Variants in LYST observed in about 807,000 individuals in gnomAD.
LYST encodes the protein lysosomal trafficking regulator, also known as lysosomal-trafficking regulator.
In LYST, 192 loss-of-function variants were observed where a neutral mutation model predicts 413.6. The ratio of observed to expected loss-of-function variants is 0.46; its 90% CI spans 0.41 to 0.52. The LOEUF (loss-of-function observed/expected upper bound fraction) is 0.52, where lower values mean the gene tolerates loss of function less well. LYST is among the 20% of genes least tolerant of loss of function. The probability of loss-of-function intolerance (pLI) is 0.00; values close to 1 mark genes in which losing one functional copy is unlikely to be tolerated. For missense variants in LYST, 3,815 were observed against 4,499.9 expected (o/e 0.85, Z 4.35); for synonymous variants, 1,525 against 1,567.3 (o/e 0.97, Z 0.64).
intron 50 of LYST, among the ~76,000 whole-genome samples, chr1:235,672,557 G>A (rs1291888836): frequency 6.6e-6 from 1 of 152,132 alleles, no homozygotes; most frequent in Non-Finnish European, 1.5e-5. Context: ...TTAAGTGAAT[G>A]TGATAGAGTT....
chr1:235,737,938 G>GGT, intron 31 of LYST: 2 of 1,193,720 alleles, frequency 1.7e-6, no homozygotes, highest in East Asian at 7.6e-5. Flanking sequence ...ACTGCCGCGT[G>GGT]CCCCAACACC....
At chr1:235,872,814 G>A (rs1409366348) in intron 1 of LYST, among the ~76,000 whole-genome samples, 1 of 152,154 alleles carries the variant, frequency 6.6e-6, no homozygotes, top group East Asian at 1.9e-4. Flanking sequence ...TACTCAGGAG[G>A]CTTAGGCAGG....
intron 45 of LYST, among the ~76,000 whole-genome samples, chr1:235,702,047 C>T (rs537334523): frequency 6.6e-6 from 1 of 150,868 alleles, no homozygotes; most frequent in Non-Finnish European, 1.5e-5. Context: ...CTTTAAGGTC[C>T]TTTACAACGT....
chr1:235,801,474 G>A (rs534646545), intron 8 of LYST, among the ~76,000 whole-genome samples: 1 of 151,832 alleles, frequency 6.6e-6, no homozygotes, highest in Non-Finnish European at 1.5e-5. Flanking sequence ...AAATCTTTGT[G>A]AAAATAGTAG....
At chr1:235,745,432 G>A (rs539408695) in intron 29 of LYST, among the ~76,000 whole-genome samples, 1 of 152,076 alleles carries the variant, frequency 6.6e-6, no homozygotes, top group Non-Finnish European at 1.5e-5. Flanking sequence ...CAAACACTAG[G>A]TAAGGATGTA....
chr1:235,690,038 A>G (rs1255056797), intron 47 of LYST, among the ~76,000 whole-genome samples: 5 of 152,228 alleles, frequency 3.3e-5, no homozygotes, highest in African/African-American at 4.8e-5. Context: ...TCTTAAATAG[A>G]AGGAATGCCT....
intron 1 of LYST, among the ~76,000 whole-genome samples, chr1:235,872,458 A>C (rs1327873805): frequency 6.6e-6 from 1 of 152,182 alleles, no homozygotes; most frequent in African/African-American, 2.4e-5. Context: ...TCTCGTGGTA[A>C]TAGACCGAGG....
At position 235,825,860 on chromosome 1, in the gene LYST, A is replaced by T. The variant is rs562078193; in HGVS notation, c.192+4366T>A. On this transcript the variant is annotated intron_variant, in intron 3 of 52. Coordinates refer to ENST00000389793, the MANE Select transcript of LYST (RefSeq NM_000081.4). ...ATTTATATGAAAATATGAAGGATCT[A>T]GAATGGCCAAACTTTCTTTAAAAAC... Among the ~76,000 whole-genome samples the T allele has an allele frequency of 2.0e-5, 3 of 152,328 alleles. No individual in the cohort carries two copies. The South Asian group carries it at 6.2e-4, about 32-fold the overall frequency.
In LYST at chr1:235,712,150, T is replaced by C. The variant is rs769503389; in HGVS notation, c.9832A>G (p.Thr3278Ala). 6.3e-7 allele frequency: 1 copy of C among 1,583,346 alleles called. No homozygotes were observed. Among genetic ancestry groups the C allele is most frequent in the Non-Finnish European group, 8.6e-7 (1 of 1,160,540 alleles). ...GATTCAAAAGATGAGAGTCGCCAAG[T>C]TGTATTTGTAGAATGAAAAGTTCTG... Reference protein sequence around the residue: ...PDRTFHSTNTTWRLSSFESMT... With the variant: ...PDRTFHSTNTAWRLSSFESMT... Residue 3278 changes from threonine (T) to alanine (A), a missense_variant, in exon 43 of 53, where the codon ACT becomes GCT. Physicochemically the swap from Thr to Ala is moderately conservative, Grantham distance 58. Coordinates refer to ENST00000389793, the MANE Select transcript of LYST (RefSeq NM_000081.4).
intron 40 of LYST, among the ~76,000 whole-genome samples, chr1:235,719,940 G>C (rs1435179355): frequency 6.6e-6 from 1 of 152,056 alleles, no homozygotes; most frequent in South Asian, 2.1e-4. Flanking sequence ...CACTTTGGGA[G>C]GCCAAGGTGG....
At chr1:235,820,477 C>G (rs1674630779) in intron 3 of LYST, among the ~76,000 whole-genome samples, 1 of 152,066 alleles carries the variant, frequency 6.6e-6, no homozygotes, top group South Asian at 2.1e-4. Flanking sequence ...TCAGGCGATC[C>G]TCCCGCCCCA....
Position 235,697,070 on chromosome 1 carries a change from C to A in LYST, c.10564+13G>T, listed in dbSNP as rs920523160. On this transcript the variant is annotated intron_variant, in intron 46 of 52. Coordinates refer to ENST00000389793, the MANE Select transcript of LYST (RefSeq NM_000081.4). ...GATATATCCAGAATGATCTTCGTTA[C>A]ATTTTATTTTACCTTGTTCCTTGCT... The A allele has an allele frequency of 8.7e-6, 14 of 1,609,846 alleles. No individual in the cohort carries two copies. The highest frequency in any genetic ancestry group is 1.2e-5 in the Non-Finnish European group (14 of 1,176,060).
intron 26 of LYST, among the ~76,000 whole-genome samples, chr1:235,752,705 C>T (rs1666623266): frequency 6.6e-6 from 1 of 151,964 alleles, no homozygotes; most frequent in African/African-American, 2.4e-5. Context: ...GAATTAGTTA[C>T]TTCTGGTCTT....
chr1:235,686,876 T>C lies in LYST; in HGVS notation c.10800+73A>G. The C allele has an allele frequency of 9.2e-7, 1 of 1,084,508 alleles. No homozygotes were observed. Among genetic ancestry groups the C allele is most frequent in the Non-Finnish European group, 1.4e-6 (1 of 696,642 alleles). 67.2% of individuals were successfully genotyped at this position (1,084,508 alleles called of 1,614,324 possible). A position where few individuals can be genotyped will look rare whatever the true frequency, so the allele number is the denominator to read the frequency against. On this transcript the variant is annotated intron_variant, in intron 48 of 52. Coordinates refer to ENST00000389793, the MANE Select transcript of LYST (RefSeq NM_000081.4). The surrounding 1 kb of genome is among the most constrained non-coding windows in gnomAD (Gnocchi z 4.0). The stretch of plus-strand genomic sequence containing the variant: ...TTAAGTTAATCTTATGCAAAGTGAA[T>C]TATACTTCATAAAGGCTTTCTTCCC...
At position 235,664,080 on chromosome 1, in the gene LYST, T is replaced by C; in HGVS notation, c.11196-25A>G. 1 of 1,537,696 alleles carries C rather than the reference T, an allele frequency of 6.5e-7. No individual in the cohort carries two copies. The highest frequency in any genetic ancestry group is 1.4e-5 in the African/African-American group (1 of 73,564). ...CCTAGAGGGGAAAAAAATCATCTAA[T>C]TATGCAAACTAAAATTACTCTCCCT... On this transcript the variant is annotated intron_variant, in intron 51 of 52. Coordinates refer to ENST00000389793, the MANE Select transcript of LYST (RefSeq NM_000081.4). The surrounding 1 kb of genome is among the most constrained non-coding windows in gnomAD (Gnocchi z 4.5).
At chr1:235,832,060 C>T (rs138967661) in intron 2 of LYST, among the ~76,000 whole-genome samples, 54 of 152,308 alleles carry the variant, frequency 3.5e-4, no homozygotes, top group African/African-American at 1.2e-3. Flanking sequence ...TGGGATTTTC[C>T]TTCAAAGCTA....
chr1:235,743,864 AAGCTCTCTGAAAGAGCACAAAG>A, intron 30 of LYST, 93 bp downstream of exon 30: 1 of 646,602 alleles, frequency 1.5e-6, no homozygotes, highest in Non-Finnish European at 2.7e-6. Flanking sequence ...GAGTTTTAAA[AAGCTCTCTGAAAGAGCACAAAG>A]AAATATGATT....
At chr1:235,788,574 T>C in intron 13 of LYST, 127 bp downstream of exon 13, 3 of 821,984 alleles carry the variant, frequency 3.6e-6, no homozygotes, top group Non-Finnish European at 4.1e-6. Context: ...TTAGAATGTA[T>C]ATATTTTTAA....
At chr1:235,750,644 G>A (rs1572144797) in intron 28 of LYST, among the ~76,000 whole-genome samples, 1 of 152,090 alleles carries the variant, frequency 6.6e-6, no homozygotes, top group East Asian at 1.9e-4. Flanking sequence ...GATGATAGCA[G>A]ATTTTGTAGA....
Sources: allele counts gnomAD v4.1 joint callset (sites outside exome capture counted in the v4.1 genomes callset), GRCh38; gene constraint gnomAD v4.1.1; non-coding constraint Gnocchi (gnomAD v3.1); transcripts MANE v1.5; gene names NCBI Gene and HGNC (gene_info 2026-07-23, HGNC 2026-07-21).